Variants in KATNBL1 observed in about 807,000 individuals in gnomAD.
The protein encoded by KATNBL1 is KATNB1-like protein 1.
KATNBL1 carries 28 observed loss-of-function variants against 44.7 expected under a neutral mutation model. That is an observed-to-expected ratio of 0.63 (90% confidence interval 0.46 to 0.86). KATNBL1 has a LOEUF of 0.86. Ranked by LOEUF, KATNBL1 falls within the 40% of genes least tolerant of loss-of-function variation. The pLI is 0.00. For missense variants in KATNBL1, 272 were observed against 350.7 expected, an observed-to-expected ratio of 0.78 and a Z score of 1.79; for synonymous variants, 78 against 114.9, an observed-to-expected ratio of 0.68 and a Z score of 2.06.
intron 4 of KATNBL1, 54 bp from the exon 5 acceptor site, chr15:34,148,804 C>T: frequency 9.9e-7 from 1 of 1,005,084 alleles, no homozygotes; most frequent in Non-Finnish European, 1.6e-6. Flanking sequence ...GGGTATGAAA[C>T]TATTTTTTTA....
At chr15:34,203,990 G>A (rs574435175) in intron 1 of KATNBL1, among the ~76,000 whole-genome samples, 1 of 143,078 alleles carries the variant, frequency 7.0e-6, no homozygotes, top group African/African-American at 2.6e-5. Context: ...GTAACAAAGA[G>A]CACATTCTGC....
intron 1 of KATNBL1, among the ~76,000 whole-genome samples, chr15:34,170,558 G>T (rs1378156919): frequency 6.6e-6 from 1 of 152,154 alleles, no homozygotes; most frequent in Non-Finnish European, 1.5e-5. Context: ...AGCTACCAAT[G>T]ACTTTCTTGG....
chr15:34,183,969 G>A (rs1272334224), intron 1 of KATNBL1, among the ~76,000 whole-genome samples: 1 of 152,026 alleles, frequency 6.6e-6, no homozygotes, highest in East Asian at 1.9e-4. Context: ...AGGAGTTCAA[G>A]ACTAGCCTGG....
intron 1 of KATNBL1, among the ~76,000 whole-genome samples, chr15:34,203,134 C>A (rs1405286959): frequency 2.0e-5 from 3 of 152,100 alleles, no homozygotes; most frequent in Non-Finnish European, 4.4e-5. Flanking sequence ...AAAAATAGAA[C>A]CCTTAATATC....
At chr15:34,193,424 T>C (rs1889944279) in intron 1 of KATNBL1, among the ~76,000 whole-genome samples, 1 of 149,436 alleles carries the variant, frequency 6.7e-6, no homozygotes, top group Admixed American at 6.7e-5. Flanking sequence ...ATCTCAGCTA[T>C]TCAGGAGGCT....
intron 2 of KATNBL1, among the ~76,000 whole-genome samples, chr15:34,161,506 G>C (rs1259070101): frequency 6.6e-6 from 1 of 152,194 alleles, no homozygotes; most frequent in African/African-American, 2.4e-5. Flanking sequence ...GGCTTTCTCA[G>C]CAAGGCAATT....
At chr15:34,149,118 T>C (rs893119980) in intron 4 of KATNBL1, among the ~76,000 whole-genome samples, 5 of 152,188 alleles carry the variant, frequency 3.3e-5, no homozygotes, top group Admixed American at 3.3e-4. Flanking sequence ...TTGACAAGTG[T>C]TGTAGTATCA....
At chr15:34,194,122 A>G (rs1889967794) in intron 1 of KATNBL1, among the ~76,000 whole-genome samples, 1 of 151,982 alleles carries the variant, frequency 6.6e-6, no homozygotes, top group Non-Finnish European at 1.5e-5. Context: ...TTGTATTTTT[A>G]GTAGAGACGG....
At chr15:34,195,690 C>CAAAAA (rs5811824) in intron 1 of KATNBL1, among the ~76,000 whole-genome samples, 3 of 111,442 alleles carry the variant, frequency 2.7e-5, no homozygotes, top group Admixed American at 1.9e-4. Flanking sequence ...GACGCCATCT[C>CAAAAA]AAAAAAAAAA....
At chr15:34,209,886 G>C (rs1406899972) in intron 1 of KATNBL1, 65 bp downstream of exon 1, 1 of 151,368 alleles carries the variant, frequency 6.6e-6, no homozygotes, top group Non-Finnish European at 1.5e-5. Flanking sequence ...AGCCCGGCTG[G>C]AGTAGCCCTG....
chr15:34,185,384 A>C (rs1889690300), intron 1 of KATNBL1, among the ~76,000 whole-genome samples: 1 of 152,220 alleles, frequency 6.6e-6, no homozygotes, highest in Non-Finnish European at 1.5e-5. Flanking sequence ...TGAAGGCCTA[A>C]AGGTAAGATA....
intron 1 of KATNBL1, among the ~76,000 whole-genome samples, chr15:34,175,464 T>C (rs1889301092): frequency 6.6e-6 from 1 of 152,180 alleles, no homozygotes; most frequent in African/African-American, 2.4e-5. Flanking sequence ...TTTTTTTCTC[T>C]AGATGACAAC....
At position 34,163,503 on chromosome 15, in the gene KATNBL1, T is replaced by C. The variant is rs569979949; in HGVS notation, c.117+57A>G. On this transcript the variant is annotated intron_variant, in intron 2 of 9. Coordinates refer to ENST00000256544, the MANE Select transcript of KATNBL1 (RefSeq NM_024713.3). ...TGTTTAAACAATTCAACCAGAGATA[T>C]CTAGAGACCTAACCGTTTAAATTGT... The C allele has an allele frequency of 3.6e-5, 56 of 1,545,584 alleles. No individual in the cohort carries two copies. The African/African-American group carries it at 6.1e-4, about 17-fold the overall frequency.
chr15:34,145,427 C>G lies in KATNBL1; in HGVS notation c.853G>C (p.Val285Leu). Reference protein sequence around the residue: ...LWEQENHLTLVPGYTGNIAKD... With the variant: ...LWEQENHLTLLPGYTGNIAKD... ...GCTATATTACCAGTATATCCTGGAA[C>G]CAAAGTAAGATGGTTTTCCTGTTCC... Residue 285 changes from valine to leucine, a missense_variant, in exon 9 of 10, where the codon GTT becomes CTT. Transcript: ENST00000256544. 1 of 1,470,226 alleles carries G rather than the reference C, an allele frequency of 6.8e-7. No individual in the cohort carries two copies. Among genetic ancestry groups the G allele is most frequent in the South Asian group, 1.6e-5 (1 of 64,130 alleles). 91.1% of individuals were successfully genotyped at this position (1,470,226 alleles called of 1,614,324 possible).
At chr15:34,205,060 A>G (rs1368528865) in intron 1 of KATNBL1, among the ~76,000 whole-genome samples, 1 of 148,360 alleles carries the variant, frequency 6.7e-6, no homozygotes, top group Non-Finnish European at 1.5e-5. Flanking sequence ...GTGGTGCAAT[A>G]TCGGCTCACT....
At chr15:34,188,136 G>GAAA (rs1394136257) in intron 1 of KATNBL1, among the ~76,000 whole-genome samples, 1 of 6,576 alleles carries the variant, frequency 1.5e-4, no homozygotes, top group Non-Finnish European at 4.4e-4. Flanking sequence ...AAGACGCCAT[G>GAAA]TAAAAAAAAA....
chr15:34,201,416 G>A (rs1032857513), intron 1 of KATNBL1, among the ~76,000 whole-genome samples: 2 of 152,214 alleles, frequency 1.3e-5, no homozygotes, highest in African/African-American at 4.8e-5. Flanking sequence ...GTCACTTCTA[G>A]TGAGAGGATA....
At chr15:34,192,333 G>A (rs1489270626) in intron 1 of KATNBL1, among the ~76,000 whole-genome samples, 1 of 151,510 alleles carries the variant, frequency 6.6e-6, no homozygotes, top group Non-Finnish European at 1.5e-5. Flanking sequence ...GAACCCAGGA[G>A]GCAGAGGTTG....
At chr15:34,205,847 T>C (rs1890280844) in intron 1 of KATNBL1, among the ~76,000 whole-genome samples, 1 of 152,208 alleles carries the variant, frequency 6.6e-6, no homozygotes, top group Non-Finnish European at 1.5e-5. Flanking sequence ...TACTGAAGCT[T>C]ATATTCTACT....
Sources: allele counts gnomAD v4.1 joint callset (sites outside exome capture counted in the v4.1 genomes callset), GRCh38; gene constraint gnomAD v4.1.1; transcripts MANE v1.5; gene names NCBI Gene and HGNC (gene_info 2026-07-23, HGNC 2026-07-21).